Variants in PPP2R3A observed in about 807,000 individuals in gnomAD.
PPP2R3A encodes the protein protein phosphatase 2 regulatory subunit B''alpha.
In PPP2R3A, 80 loss-of-function variants were observed where a neutral mutation model predicts 106.9. The ratio of observed to expected loss-of-function variants is 0.75; its 90% CI spans 0.62 to 0.90. The LOEUF is 0.90. Among genes scored for constraint, PPP2R3A ranks in the 40% least tolerant of loss-of-function variants. The pLI, the probability that PPP2R3A is intolerant of heterozygous loss-of-function variation, is 0.00. For missense variants in PPP2R3A, 1,386 were observed against 1,350.4 expected (o/e 1.03, Z -0.41); for synonymous variants, 483 against 468.3 (o/e 1.03, Z -0.41).
chr3:136,124,472 A>T (rs2108005870), intron 13 of PPP2R3A, among the ~76,000 whole-genome samples: 1 of 152,280 alleles, frequency 6.6e-6, no homozygotes, highest in South Asian at 2.1e-4. Flanking sequence ...TGACAAACTG[A>T]GACCTTGTCT....
At chr3:136,086,944 G>A (rs1576492472) in intron 8 of PPP2R3A, among the ~76,000 whole-genome samples, 2 of 152,318 alleles carry the variant, frequency 1.3e-5, no homozygotes, top group South Asian at 4.1e-4. Flanking sequence ...GCTCACGCCT[G>A]TATTCCTAGC....
intron 4 of PPP2R3A, among the ~76,000 whole-genome samples, chr3:136,047,661 G>A (rs1215084196): frequency 5.3e-5 from 8 of 152,284 alleles, no homozygotes; most frequent in Middle Eastern, 3.4e-3. Flanking sequence ...CAGCACTTTC[G>A]GAGGCCGAGG....
At chr3:136,120,841 T>TAATC (rs1214315933) in intron 13 of PPP2R3A, among the ~76,000 whole-genome samples, 1 of 152,090 alleles carries the variant, frequency 6.6e-6, no homozygotes, top group African/African-American at 2.4e-5. Context: ...TCAACATCAC[T>TAATC]AATCATTAGA....
Position 136,087,937 on chromosome 3 carries a change from A to G in PPP2R3A, c.2837+6A>G. On this transcript the variant is annotated splice_donor_region_variant and intron_variant, in intron 9 of 13. Coordinates refer to ENST00000264977, the MANE Select transcript of PPP2R3A (RefSeq NM_002718.5). ...TTCTCTGGTGCAGTAACAAGGTAAG[A>G]AAACGTTTAATGCTGTGTTTAAAAA... 6.3e-7 allele frequency: 1 copy of G among 1,599,842 alleles called. No homozygotes were observed. Among genetic ancestry groups the G allele is most frequent in the Non-Finnish European group, 8.6e-7 (1 of 1,167,866 alleles).
chr3:136,054,037 A>AT (rs1343082305), intron 5 of PPP2R3A, among the ~76,000 whole-genome samples: 6 of 152,056 alleles, frequency 3.9e-5, no homozygotes, highest in African/African-American at 1.2e-4. Flanking sequence ...AGAAATGAGA[A>AT]TTTTTTTGGG....
At chr3:136,089,056 T>G (rs1368827488) in intron 9 of PPP2R3A, among the ~76,000 whole-genome samples, 2 of 152,198 alleles carry the variant, frequency 1.3e-5, no homozygotes, top group Non-Finnish European at 2.9e-5. Flanking sequence ...GTTGATAGTT[T>G]CTTTTGCTGT....
rs141170081 is a variant in PPP2R3A at position 136,043,964 on chromosome 3, C to G, written c.2366+3002C>G. On this transcript the variant is annotated intron_variant, in intron 4 of 13. Transcript: ENST00000264977. ...TTCTTTCTATTTCACAGCAAAAGAC[C>G]ATTTCTGATTTCACTTTGTCCTCTC... 3.1e-3 allele frequency among the ~76,000 whole-genome samples: 465 copies of G among 152,248 alleles called. 1 individual carries two copies. The highest frequency in any genetic ancestry group is 6.8e-3 in the Middle Eastern group (2 of 294).
intron 10 of PPP2R3A, among the ~76,000 whole-genome samples, chr3:136,092,039 G>A (rs757388527): frequency 2.6e-5 from 4 of 152,022 alleles, no homozygotes; most frequent in Non-Finnish European, 5.9e-5. Context: ...AAAAGTTTTG[G>A]ATTTTCAGCT....
intron 3 of PPP2R3A, among the ~76,000 whole-genome samples, chr3:136,029,555 G>A (rs765213977): frequency 2.0e-5 from 3 of 152,308 alleles, no homozygotes; most frequent in South Asian, 2.1e-4. Flanking sequence ...CCGGAGGAAC[G>A]ACTTTGCCAT....
intron 13 of PPP2R3A, chr3:136,107,038 T>A (rs1336010295): frequency 6.6e-6 from 1 of 151,782 alleles, no homozygotes; most frequent in Non-Finnish European, 1.5e-5. Flanking sequence ...AAGTAACTTC[T>A]ACATGTATTT....
intron 10 of PPP2R3A, among the ~76,000 whole-genome samples, chr3:136,093,965 G>A (rs1937157859): frequency 6.6e-6 from 1 of 152,152 alleles, no homozygotes; most frequent in African/African-American, 2.4e-5. Context: ...ATTCACAATA[G>A]CCAAAAGTTG....
intron 4 of PPP2R3A, among the ~76,000 whole-genome samples, chr3:136,048,067 A>C (rs1399874467): frequency 6.6e-6 from 1 of 152,156 alleles, no homozygotes; most frequent in Non-Finnish European, 1.5e-5. Flanking sequence ...ATACCTTTGT[A>C]ACAAACCCGT....
Position 136,001,456 on chromosome 3 carries a change from T to G in PPP2R3A, c.-43T>G. Reference sequence around the variant, plus strand: ...TTTAGGAGAATTTTCATGAAACAAGTTCTAGAAAGTTCCAAGTCCCACCAG... The same window carrying G: ...TTTAGGAGAATTTTCATGAAACAAGGTCTAGAAAGTTCCAAGTCCCACCAG... On this transcript the variant is annotated 5_prime_UTR_variant, in exon 2 of 14. Coordinates refer to ENST00000264977, the MANE Select transcript of PPP2R3A (RefSeq NM_002718.5). The G allele has an allele frequency of 2.0e-6, 3 of 1,512,544 alleles. No homozygotes were observed. The highest frequency in any genetic ancestry group is 1.8e-6 in the Non-Finnish European group (2 of 1,105,476). 93.7% of individuals were successfully genotyped at this position (1,512,544 alleles called of 1,614,324 possible).
intron 6 of PPP2R3A, among the ~76,000 whole-genome samples, chr3:136,072,981 T>C (rs920753567): frequency 1.3e-5 from 2 of 152,134 alleles, no homozygotes; most frequent in Non-Finnish European, 2.9e-5. Flanking sequence ...GTTTGGGTTT[T>C]TTTTGAGACG....
At chr3:136,008,837 A>G (rs1483820952) in intron 2 of PPP2R3A, among the ~76,000 whole-genome samples, 1 of 151,976 alleles carries the variant, frequency 6.6e-6, no homozygotes, top group Non-Finnish European at 1.5e-5. Context: ...CATTAAGCCC[A>G]CAGGCCTGTC....
At chr3:136,113,620 A>G (rs1208619545) in intron 13 of PPP2R3A, among the ~76,000 whole-genome samples, 1 of 152,036 alleles carries the variant, frequency 6.6e-6, no homozygotes, top group Non-Finnish European at 1.5e-5. Context: ...GCAAAACCCT[A>G]TCTCTACTAA....
intron 5 of PPP2R3A, chr3:136,055,660 G>A (rs1262634552): frequency 8.5e-7 from 1 of 1,175,402 alleles, no homozygotes; most frequent in African/African-American, 1.5e-5. Flanking sequence ...TACAGAGGTT[G>A]TTCATAAGGA....
intron 5 of PPP2R3A, among the ~76,000 whole-genome samples, chr3:136,050,043 T>C (rs112877305): frequency 6.6e-6 from 1 of 152,160 alleles, no homozygotes. Flanking sequence ...TGTACTCTAG[T>C]GTGGGAGTAA....
At chr3:136,038,518 G>A (rs1326694459) in intron 3 of PPP2R3A, among the ~76,000 whole-genome samples, 2 of 152,188 alleles carry the variant, frequency 1.3e-5, no homozygotes, top group African/African-American at 4.8e-5. Flanking sequence ...AAGTGTTTCT[G>A]ATCAGGAAGT....
Sources: allele counts gnomAD v4.1 joint callset (sites outside exome capture counted in the v4.1 genomes callset), GRCh38; gene constraint gnomAD v4.1.1; transcripts MANE v1.5; gene names NCBI Gene and HGNC (gene_info 2026-07-23, HGNC 2026-07-21).